NUP210L: variants seen among roughly 807,000 people sequenced by gnomAD.
The protein encoded by NUP210L is nucleoporin 210 like.
In NUP210L, 74 loss-of-function variants were observed where a neutral mutation model predicts 208.5. The ratio of observed to expected loss-of-function variants is 0.35; its 90% CI spans 0.29 to 0.43. The LOEUF is 0.43. Ranked by LOEUF, NUP210L falls within the 20% of genes least tolerant of loss-of-function variation. The pLI is 1.00. For missense variants in NUP210L, 1,843 were observed against 2,289.4 expected, an observed-to-expected ratio of 0.81 and a Z score of 3.98; for synonymous variants, 780 against 816.9, an observed-to-expected ratio of 0.95 and a Z score of 0.77.
intron 33 of NUP210L, among the ~76,000 whole-genome samples, chr1:154,016,169 T>C (rs1423559026): frequency 6.6e-6 from 1 of 151,814 alleles, no homozygotes; most frequent in East Asian, 1.9e-4. Flanking sequence ...GGCAGGAGGA[T>C]GGCTTGAAAC....
At chr1:154,139,759 G>GA (rs1468444912) in intron 5 of NUP210L, 43 bp downstream of exon 5, 1 of 1,527,854 alleles carries the variant, frequency 6.5e-7, no homozygotes, top group Non-Finnish European at 9.0e-7. Context: ...ACCATATCTT[G>GA]AAAAAACAAG....
intron 25 of NUP210L, among the ~76,000 whole-genome samples, chr1:154,051,168 G>C (rs985745850): frequency 6.6e-6 from 1 of 152,056 alleles, no homozygotes; most frequent in Non-Finnish European, 1.5e-5. Context: ...GAATCAAATG[G>C]CTGATTGCCT....
At chr1:154,056,856 T>G in exon 23 of NUP210L, 1 of 1,598,986 alleles carries the variant, frequency 6.3e-7, no homozygotes, top group Non-Finnish European at 8.5e-7. Flanking sequence ...CTTCCCATCT[T>G]GTCCTTGGCA....
intron 33 of NUP210L, among the ~76,000 whole-genome samples, chr1:154,016,158 A>C (rs1651237450): frequency 6.6e-6 from 1 of 151,928 alleles, no homozygotes; most frequent in Admixed American, 6.6e-5. Flanking sequence ...TTGGAGGCTG[A>C]GGCAGGAGGA....
intron 16 of NUP210L, among the ~76,000 whole-genome samples, chr1:154,075,862 T>G (rs1655004185): frequency 6.6e-6 from 1 of 151,742 alleles, no homozygotes; most frequent in African/African-American, 2.4e-5. Flanking sequence ...CAATCATAGC[T>G]CACTGCATCC....
At chr1:154,069,515 T>C (rs546922966) in intron 17 of NUP210L, among the ~76,000 whole-genome samples, 6 of 152,300 alleles carry the variant, frequency 3.9e-5, no homozygotes, top group African/African-American at 1.4e-4. Flanking sequence ...CTCATACCAG[T>C]TAGAATGGCA....
At chr1:154,117,078 C>T (rs1016973255) in intron 12 of NUP210L, among the ~76,000 whole-genome samples, 17 of 152,122 alleles carry the variant, frequency 1.1e-4, no homozygotes, top group African/African-American at 4.1e-4. Context: ...TTCAGTTTTA[C>T]ATGTGTTTTT....
exon 40 of NUP210L, chr1:153,992,786 T>C: frequency 7.9e-7 from 1 of 1,264,624 alleles, no homozygotes; most frequent in Non-Finnish European, 1.1e-6. Context: ...TGTCGAGGAC[T>C]AGAAATCTTC....
rs368439825 is a variant in NUP210L, at chr1:154,126,338, G to A, written c.1311C>T (p.Thr437=). Residue 437 remains threonine (T), a synonymous_variant, in exon 10 of 40, where the codon ACC becomes ACT. Coordinates refer to ENST00000368559, the Ensembl canonical transcript of NUP210L. ...TAATTCCTACCTGGTAAATGATGGAGGTCAGGGATGCATTTATTACCACAA... is the reference window on the plus strand; with the variant it reads ...TAATTCCTACCTGGTAAATGATGGAAGTCAGGGATGCATTTATTACCACAA... 2.3e-5 allele frequency: 37 copies of A among 1,612,530 alleles called. No homozygotes were observed. In the African/African-American group the frequency reaches 4.4e-4, roughly 19 times the overall value.
intron 27 of NUP210L, among the ~76,000 whole-genome samples, chr1:154,042,487 C>T (rs907744660): frequency 7.9e-5 from 12 of 151,230 alleles, no homozygotes; most frequent in African/African-American, 1.2e-4. Context: ...AGTGCAGTGG[C>T]GCAATCTCGC....
At chr1:154,022,284 A>G in exon 32 of NUP210L, 1 of 1,614,168 alleles carries the variant, frequency 6.2e-7, no homozygotes, top group East Asian at 2.2e-5. Context: ...CCCTCTGTTC[A>G]CAGCCTGGGC....
exon 11 of NUP210L, chr1:154,118,739 T>C (rs1657459059): frequency 3.7e-6 from 6 of 1,600,566 alleles, no homozygotes; most frequent in African/African-American, 1.3e-5. Flanking sequence ...GGTGTAAGCA[T>C]GATGGGAAAA....
intron 12 of NUP210L, among the ~76,000 whole-genome samples, chr1:154,111,578 T>C (rs1216176427): frequency 1.6e-4 from 24 of 151,394 alleles, no homozygotes; most frequent in Admixed American, 1.6e-3. Flanking sequence ...CCTACCAAGA[T>C]TGAACTATGA....
At chr1:154,147,918 G>T (rs1407951615) in intron 2 of NUP210L, among the ~76,000 whole-genome samples, 1 of 143,736 alleles carries the variant, frequency 7.0e-6, no homozygotes, top group Admixed American at 6.8e-5. Flanking sequence ...GCCTCCCAAA[G>T]TGCTGGGATT....
At chr1:154,099,852 A>T in intron 14 of NUP210L, 146 bp downstream of exon 14, 1 of 740,550 alleles carries the variant, frequency 1.4e-6, no homozygotes, top group Non-Finnish European at 2.3e-6. Flanking sequence ...AGAGAGCTGT[A>T]GATCTAAAAA....
chr1:153,992,856 C>T lies in NUP210L; in HGVS notation c.5646G>A (p.Trp1882Ter), dbSNP rs368735008. The T allele has an allele frequency of 6.8e-6, 11 of 1,612,832 alleles. No individual in the cohort carries two copies. The highest frequency in any genetic ancestry group is 1.3e-5 in the African/African-American group (1 of 74,800). ...GAGGTTAGTGCCTTATACTCCATAA[C>T]CAATGTTGCAGCCGACTTTGGGCCA... is the stretch of plus-strand genomic sequence containing the variant. The change falls in exon 40 of 40, where the codon TGG becomes TGA. Residue 1882 changes from tryptophan to a stop codon, truncating the protein, a stop_gained. Coordinates refer to ENST00000368559, the Ensembl canonical transcript of NUP210L. LOFTEE classifies it high-confidence loss of function.
chr1:154,119,114 G>T (rs922150599), intron 10 of NUP210L, among the ~76,000 whole-genome samples: 1 of 151,942 alleles, frequency 6.6e-6, no homozygotes, highest in East Asian at 1.9e-4. Context: ...ACATAGTAAG[G>T]GAAACCATAC....
At chr1:154,099,679 A>T (rs1245894957) in intron 14 of NUP210L, among the ~76,000 whole-genome samples, 1 of 152,236 alleles carries the variant, frequency 6.6e-6, no homozygotes, top group Non-Finnish European at 1.5e-5. Context: ...AAAAATTCAG[A>T]TAGCACCTGA....
chr1:154,068,467 G>T (rs1654525818), intron 17 of NUP210L, among the ~76,000 whole-genome samples: 1 of 152,162 alleles, frequency 6.6e-6, no homozygotes, highest in South Asian at 2.1e-4. Context: ...AGATCATGAG[G>T]TCAGGAGATC....
Sources: allele counts gnomAD v4.1 joint callset (sites outside exome capture counted in the v4.1 genomes callset), GRCh38; gene constraint gnomAD v4.1.1; transcripts MANE v1.5; gene names NCBI Gene and HGNC (gene_info 2026-07-23, HGNC 2026-07-21).